Variants in USP8 observed in about 807,000 individuals in gnomAD.
USP8 encodes ubiquitin carboxyl-terminal hydrolase 8.
Under a neutral mutation model 130.0 loss-of-function variants are expected in USP8, and 27 were observed. The ratio of observed to expected loss-of-function variants is 0.21; its 90% confidence interval spans 0.15 to 0.29. USP8 has a LOEUF of 0.29. Among genes scored for constraint, USP8 ranks in the 10% least tolerant of loss-of-function variants. The pLI is 1.00. For synonymous variants in USP8, 392 were observed against 444.1 expected, an observed-to-expected ratio of 0.88 and a Z score of 1.48; for missense variants, 1,029 against 1,312.2, an observed-to-expected ratio of 0.78 and a Z score of 3.33.
chr15:50,452,816 C>A (rs1463404351), intron 4 of USP8, among the ~76,000 whole-genome samples: 1 of 152,150 alleles, frequency 6.6e-6, no homozygotes, highest in Non-Finnish European at 1.5e-5. Flanking sequence ...TGGTGTCTGG[C>A]ACATACCAAA....
intron 18 of USP8, chr15:50,498,321 T>TG: frequency 3.5e-6 from 1 of 282,302 alleles, no homozygotes; most frequent in Non-Finnish European, 6.5e-6. Context: ...AAGACTCATG[T>TG]AGCAGTTGTA....
At chr15:50,485,994 TC>T (rs998740969) in intron 12 of USP8, among the ~76,000 whole-genome samples, 6 of 152,192 alleles carry the variant, frequency 3.9e-5, no homozygotes, top group Non-Finnish European at 7.3e-5. Context: ...GTTATTTTTT[TC>T]AAGTATTTTC....
intron 1 of USP8, 112 bp downstream of exon 1, chr15:50,424,626 C>G: frequency 2.5e-6 from 1 of 397,000 alleles, no homozygotes; most frequent in Middle Eastern, 6.3e-4. Context: ...AAGCTCTGTC[C>G]GCGGAGAGGA....
chr15:50,483,780 C>T (rs572793003), intron 11 of USP8, among the ~76,000 whole-genome samples: 2 of 149,228 alleles, frequency 1.3e-5, no homozygotes, highest in African/African-American at 2.5e-5. Context: ...GGTGACAGAG[C>T]GAGACTCGGT....
rs1421941550 is a variant in USP8 at position 50,484,358 on chromosome 15, TAAAG to T, written c.1888_1890+1del. 6.2e-6 allele frequency: 10 copies of T among 1,608,736 alleles called. No individual in the cohort carries two copies. Among genetic ancestry groups the T allele is most frequent in the Non-Finnish European group, 8.5e-6 (10 of 1,178,132 alleles). On this transcript the variant is annotated splice_donor_variant and coding_sequence_variant, in exon 12 of 20. Coordinates refer to ENST00000307179, the MANE Select transcript of USP8 (RefSeq NM_005154.5). LOFTEE classifies it high-confidence loss of function. ...AGGATACAGACGATACCGAAAGAAA[TAAAG>T]TAAGTAGTTTATTGCAGGAAAAAAC...
chr15:50,451,952 A>G (rs1391322483), intron 4 of USP8, among the ~76,000 whole-genome samples: 1 of 152,314 alleles, frequency 6.6e-6, no homozygotes, highest in Non-Finnish European at 1.5e-5. Flanking sequence ...CTGCCTAATC[A>G]TCTGATGTCA....
At position 50,459,017 on chromosome 15, in the gene USP8, T is replaced by C; in HGVS notation, c.353T>C (p.Val118Ala). The C allele has an allele frequency of 6.2e-7, 1 of 1,612,042 alleles. No individual in the cohort carries two copies. Reference protein sequence around the residue: ...SLKLRYEEAEVRKKLEEKDRQ... With the variant: ...SLKLRYEEAEARKKLEEKDRQ... ...TCAACTAGATATGAAGAAGCTGAAGTCCGGAAAAAACTTGAGGAAAAAGAC... is the reference window on the plus strand; with the variant it reads ...TCAACTAGATATGAAGAAGCTGAAGCCCGGAAAAAACTTGAGGAAAAAGAC... Residue 118 changes from valine (V) to alanine (A), a missense_variant, in exon 5 of 20, where the codon GTC (valine) becomes GCC (alanine). Physicochemically the swap from Val to Ala is moderately conservative, Grantham distance 64 (BLOSUM62 0). Around this residue, in one of 4 missense-constraint regions of USP8, gnomAD observed 281 missense variants for 336.7 expected, o/e 0.83. Transcript: ENST00000307179.
chr15:50,433,499 AT>A (rs1567596209), intron 1 of USP8, among the ~76,000 whole-genome samples: 3 of 152,032 alleles, frequency 2.0e-5, no homozygotes, highest in East Asian at 1.9e-4. Flanking sequence ...TGCAAACCTC[AT>A]TTTTCACTTT....
chr15:50,466,890 A>G, intron 7 of USP8: 1 of 410,654 alleles, frequency 2.4e-6, no homozygotes, highest in Non-Finnish European at 4.8e-6. Flanking sequence ...TCTCAAAGTG[A>G]AAGGACCAGT....
At chr15:50,464,518 A>T (rs2051116034) in intron 6 of USP8, among the ~76,000 whole-genome samples, 1 of 152,192 alleles carries the variant, frequency 6.6e-6, no homozygotes, top group Non-Finnish European at 1.5e-5. Flanking sequence ...TTTGATTTTT[A>T]AGTCTTTGTA....
At position 50,481,976 on chromosome 15, in the gene USP8, G is replaced by T; in HGVS notation, c.1714G>T (p.Gly572Trp). The T allele has an allele frequency of 6.3e-7, 1 of 1,597,384 alleles. No homozygotes were observed. The highest frequency in any genetic ancestry group is 2.2e-5 in the East Asian group (1 of 44,514). ...TGCCAAGAAATCTGTAGAAGATAGG[G>T]GGAAAAGGTGTCCAACCCCAGAAAT... The part of the protein sequence containing the change: ...SDAKKSVEDR[G>W]KRCPTPEIQK... Residue 572 changes from glycine (G) to tryptophan (W), a missense_variant, in exon 11 of 20, where the codon GGG becomes TGG. Physicochemically the swap from Gly to Trp is radical, Grantham distance 184 (BLOSUM62 -2). This residue lies in a region of USP8 where 486 missense variants were observed against 522.0 expected (regional missense o/e 0.93). Transcript: ENST00000307179.
rs1263531145 is a variant in USP8, at chr15:50,508,935, C to G, written c.*9847C>G. 2 of 151,506 alleles carry G rather than the reference C, an allele frequency of 1.3e-5. No individual in the cohort carries two copies. The highest frequency in any genetic ancestry group is 3.9e-4 in the East Asian group (2 of 5,136). The allele number at this position is 151,506 out of a possible 1,614,324, so 9.4% of individuals were successfully genotyped here. ...GGATCACGAGGTCAGGAGATTGAGACCATCCTGGCTAACACGGTGAAACCC... is the reference window on the plus strand; with the variant it reads ...GGATCACGAGGTCAGGAGATTGAGAGCATCCTGGCTAACACGGTGAAACCC... On this transcript the variant is annotated 3_prime_UTR_variant, in exon 20 of 20. Transcript: ENST00000307179.
intron 10 of USP8, among the ~76,000 whole-genome samples, chr15:50,480,977 T>C (rs533751764): frequency 2.2e-4 from 33 of 151,750 alleles, no homozygotes; most frequent in Non-Finnish European, 2.9e-5. Context: ...GGGAAGAACA[T>C]ATCATGGGAC....
intron 3 of USP8, among the ~76,000 whole-genome samples, chr15:50,442,252 G>A (rs1414749916): frequency 6.6e-6 from 1 of 152,070 alleles, no homozygotes. Context: ...GGGATTAGAG[G>A]CATAAGCCTC....
chr15:50,449,963 A>G (rs1595919571), intron 4 of USP8, among the ~76,000 whole-genome samples: 1 of 125,544 alleles, frequency 8.0e-6, no homozygotes, highest in African/African-American at 3.1e-5. Flanking sequence ...GCGCGATCTC[A>G]GCTCACTGCA....
chr15:50,495,492 G>GGGT (rs1555392712), intron 16 of USP8, among the ~76,000 whole-genome samples: 14 of 149,542 alleles, frequency 9.4e-5, no homozygotes, highest in African/African-American at 3.2e-4. Context: ...TTGGAGGGGG[G>GGGT]GGTCTCACTA....
At chr15:50,454,841 C>T (rs993856667) in intron 4 of USP8, among the ~76,000 whole-genome samples, 6 of 152,072 alleles carry the variant, frequency 3.9e-5, no homozygotes, top group African/African-American at 1.2e-4. Flanking sequence ...AGTGCAGTGG[C>T]ATGATCCCAG....
intron 3 of USP8, among the ~76,000 whole-genome samples, chr15:50,446,692 A>G (rs2050451804): frequency 1.3e-5 from 2 of 152,226 alleles, no homozygotes; most frequent in Non-Finnish European, 2.9e-5. Flanking sequence ...TCCTTCTAGT[A>G]TATTTAGGCT....
chr15:50,474,441 A>G (rs1249683221), intron 8 of USP8, among the ~76,000 whole-genome samples: 2 of 152,218 alleles, frequency 1.3e-5, no homozygotes, highest in Non-Finnish European at 2.9e-5. Flanking sequence ...AATTCATGCT[A>G]TGACATAGGG....
Sources: allele counts gnomAD v4.1 joint callset (sites outside exome capture counted in the v4.1 genomes callset), GRCh38; gene constraint gnomAD v4.1.1; regional missense constraint gnomAD v4.1.1; transcripts MANE v1.5; gene names NCBI Gene and HGNC (gene_info 2026-07-23, HGNC 2026-07-21).